Variants in C7orf33 observed in about 807,000 individuals in gnomAD.
The protein encoded by C7orf33 is uncharacterized protein C7orf33.
A neutral mutation model predicts 13.4 loss-of-function variants in C7orf33; 15 were observed. The ratio of observed to expected loss-of-function variants is 1.12; its 90% CI spans 0.75 to 1.72. C7orf33 has a LOEUF of 1.72. Ranked by LOEUF, C7orf33 falls within the 40% of genes most tolerant of loss-of-function variation. The pLI is 0.00. For synonymous variants in C7orf33, 73 were observed against 83.2 expected (o/e 0.88, Z 0.67); for missense variants, 187 against 220.3 (o/e 0.85, Z 0.96).
In C7orf33 at chr7:148,615,519, T is replaced by G. The variant is rs1249444628; in HGVS notation, c.*118T>G. The G allele has an allele frequency of 2.9e-5, 19 of 665,518 alleles. No homozygotes were observed. In the East Asian group the frequency reaches 5.3e-4, roughly 18 times the overall value. 41.2% of individuals were successfully genotyped at this position (665,518 alleles called of 1,614,324 possible). On this transcript the variant is annotated 3_prime_UTR_variant, in exon 3 of 3. Coordinates refer to ENST00000307003, the MANE Select transcript of C7orf33 (RefSeq NM_145304.4). ...GAAATAACAGTTGATGAAAACTTGG[T>G]AATCTGAAGTCTGAACTTTGAACAC...
intron 1 of C7orf33, among the ~76,000 whole-genome samples, chr7:148,596,365 A>G (rs1404531881): frequency 1.3e-5 from 2 of 152,196 alleles, no homozygotes; most frequent in Non-Finnish European, 2.9e-5. Context: ...AAGGTCATGC[A>G]TCTTCTGTTA....
intron 1 of C7orf33, among the ~76,000 whole-genome samples, chr7:148,607,373 G>A (rs1049365962): frequency 3.3e-5 from 5 of 152,116 alleles, no homozygotes; most frequent in Non-Finnish European, 1.5e-5. Context: ...GCAAATGGAG[G>A]GCAGAGAGCT....
intron 1 of C7orf33, among the ~76,000 whole-genome samples, chr7:148,595,898 C>A (rs977045538): frequency 6.6e-6 from 1 of 151,078 alleles, no homozygotes; most frequent in Admixed American, 6.6e-5. Flanking sequence ...CAGGTCATAA[C>A]CATTAAATTT....
At chr7:148,607,938 T>G (rs1183326868) in intron 1 of C7orf33, among the ~76,000 whole-genome samples, 2 of 152,204 alleles carry the variant, frequency 1.3e-5, no homozygotes, top group Non-Finnish European at 2.9e-5. Flanking sequence ...TTTTCAATTC[T>G]TCAGCCACAG....
chr7:148,607,354 T>C (rs985639852), intron 1 of C7orf33, among the ~76,000 whole-genome samples: 1 of 152,198 alleles, frequency 6.6e-6, no homozygotes, highest in African/African-American at 2.4e-5. Flanking sequence ...ATCTCTGTCC[T>C]GCATTTAAGC....
At chr7:148,605,162 A>G (rs1796459846) in intron 1 of C7orf33, among the ~76,000 whole-genome samples, 3 of 152,210 alleles carry the variant, frequency 2.0e-5, no homozygotes, top group Admixed American at 2.0e-4. Context: ...GACAAAAATG[A>G]GATGTAAAAC....
intron 1 of C7orf33, among the ~76,000 whole-genome samples, chr7:148,591,441 G>A (rs983529085): frequency 7.9e-5 from 12 of 152,186 alleles, no homozygotes; most frequent in African/African-American, 2.9e-4. Context: ...GAAGGAATGC[G>A]CTTGTTCTCA....
chr7:148,595,900 A>G (rs1164577628), intron 1 of C7orf33, among the ~76,000 whole-genome samples: 2 of 151,324 alleles, frequency 1.3e-5, no homozygotes, highest in Non-Finnish European at 2.9e-5. Context: ...GGTCATAACC[A>G]TTAAATTTAT....
chr7:148,606,919 A>G (rs992346257), intron 1 of C7orf33, among the ~76,000 whole-genome samples: 3 of 99,452 alleles, frequency 3.0e-5, no homozygotes, highest in African/African-American at 5.9e-5. Context: ...AATAGACCCC[A>G]TTTAAAAAAA....
chr7:148,595,942 A>G (rs545460990), intron 1 of C7orf33, among the ~76,000 whole-genome samples: 12 of 151,728 alleles, frequency 7.9e-5, no homozygotes, highest in Admixed American at 3.3e-4. Context: ...ATGATCACAG[A>G]TTACTGAGAA....
intron 1 of C7orf33, among the ~76,000 whole-genome samples, chr7:148,591,859 A>G (rs921916474): frequency 6.6e-6 from 1 of 152,080 alleles, no homozygotes; most frequent in Non-Finnish European, 1.5e-5. Flanking sequence ...ACCCATGCCC[A>G]GCAAGACCTG....
At chr7:148,606,975 GTTTA>G (rs1796481175) in intron 1 of C7orf33, among the ~76,000 whole-genome samples, 1 of 73,634 alleles carries the variant, frequency 1.4e-5, no homozygotes, top group Non-Finnish European at 3.7e-5. Context: ...AGAAAAACAA[GTTTA>G]TTTACATGTA....
intron 1 of C7orf33, among the ~76,000 whole-genome samples, chr7:148,612,576 G>A (rs989937256): frequency 2.0e-5 from 3 of 152,068 alleles, no homozygotes; most frequent in Non-Finnish European, 4.4e-5. Context: ...AATGGGCAAA[G>A]AATATGAACA....
chr7:148,599,290 T>C (rs1040348867), intron 1 of C7orf33, among the ~76,000 whole-genome samples: 3 of 152,148 alleles, frequency 2.0e-5, no homozygotes, highest in African/African-American at 7.2e-5. Flanking sequence ...GAAACGGGTC[T>C]ACCTCAAACA....
chr7:148,603,446 C>A (rs1477881552), intron 1 of C7orf33, among the ~76,000 whole-genome samples: 1 of 152,158 alleles, frequency 6.6e-6, no homozygotes, highest in East Asian at 1.9e-4. Flanking sequence ...GCAGAGGCTG[C>A]AATGAGCCAA....
At chr7:148,600,397 G>A (rs1796398106) in intron 1 of C7orf33, among the ~76,000 whole-genome samples, 1 of 152,196 alleles carries the variant, frequency 6.6e-6, no homozygotes, top group Non-Finnish European at 1.5e-5. Context: ...CTTGAACCAG[G>A]GAGGCAGAGG....
At chr7:148,598,521 C>T (rs1391063292) in intron 1 of C7orf33, among the ~76,000 whole-genome samples, 1 of 151,620 alleles carries the variant, frequency 6.6e-6, no homozygotes, top group Non-Finnish European at 1.5e-5. Flanking sequence ...TACTATGAAA[C>T]AAACATCAGC....
chr7:148,614,447 G>T, intron 2 of C7orf33, 151 bp downstream of exon 2: 1 of 958,774 alleles, frequency 1.0e-6, no homozygotes, highest in Admixed American at 2.8e-5. Context: ...AAACTGATCT[G>T]ATCCCATGCT....
At chr7:148,594,769 C>T (rs911059120) in intron 1 of C7orf33, among the ~76,000 whole-genome samples, 2 of 152,096 alleles carry the variant, frequency 1.3e-5, no homozygotes, top group Non-Finnish European at 1.5e-5. Flanking sequence ...CAATATATTT[C>T]AGTCCAATAT....
Sources: allele counts gnomAD v4.1 joint callset (sites outside exome capture counted in the v4.1 genomes callset), GRCh38; gene constraint gnomAD v4.1.1; transcripts MANE v1.5; gene names NCBI Gene and HGNC (gene_info 2026-07-23, HGNC 2026-07-21).